The following PCLO variants were observed in gnomAD, a reference collection of about 807,000 sequenced individuals.
PCLO encodes the protein protein piccolo.
A neutral mutation model predicts 427.5 loss-of-function variants in PCLO; 82 were observed. The ratio of observed to expected loss-of-function variants is 0.19; its 90% CI spans 0.16 to 0.23. PCLO has a LOEUF of 0.23. PCLO is among the 10% of genes least tolerant of loss of function. PCLO has a pLI of 1.00. For missense variants in PCLO, 6,239 were observed against 6,115.9 expected (o/e 1.02, Z -0.67); for synonymous variants, 2,357 against 2,155.4 (o/e 1.09, Z -2.59).
At chr7:82,963,334 T>C (rs530713093) in intron 4 of PCLO, among the ~76,000 whole-genome samples, 1 of 152,186 alleles carries the variant, frequency 6.6e-6, no homozygotes, top group South Asian at 2.1e-4. Context: ...GTTGAAAAAG[T>C]ATTTTAAAAT....
chr7:82,935,076 C>T (rs1265789153), intron 6 of PCLO, among the ~76,000 whole-genome samples: 2 of 150,160 alleles, frequency 1.3e-5, no homozygotes, highest in African/African-American at 4.9e-5. Flanking sequence ...AAGCTAAATG[C>T]CTTTCCTAAA....
At chr7:82,940,830 T>C (rs1261104385) in intron 6 of PCLO, among the ~76,000 whole-genome samples, 1 of 144,358 alleles carries the variant, frequency 6.9e-6, no homozygotes, top group African/African-American at 2.5e-5. Context: ...TGGTGAGATC[T>C]CGGCTCACTG....
chr7:82,841,628 T>G (rs1268248853), intron 13 of PCLO, 119 bp from the exon 14 acceptor site: 5 of 661,148 alleles, frequency 7.6e-6, no homozygotes, highest in Non-Finnish European at 1.1e-5. Context: ...GAAAATATAT[T>G]TTATCCATTT....
chr7:83,064,904 A>G (rs1789628337), intron 3 of PCLO, among the ~76,000 whole-genome samples: 1 of 152,050 alleles, frequency 6.6e-6, no homozygotes, highest in African/African-American at 2.4e-5. Flanking sequence ...TCCAAAGGGA[A>G]CAATAACTTC....
intron 22 of PCLO, among the ~76,000 whole-genome samples, chr7:82,780,690 T>C (rs1478065091): frequency 2.0e-5 from 3 of 152,356 alleles, no homozygotes; most frequent in African/African-American, 7.2e-5. Context: ...TTATTTGTTC[T>C]TATTCTCAGT....
Position 83,049,369 on chromosome 7 carries a change from G to C in PCLO, c.3301-82882C>G, listed in dbSNP as rs114478255. On this transcript the variant is annotated intron_variant, in intron 3 of 24. Transcript: ENST00000333891. Reference sequence around the variant, plus strand: ...AGTTCCTACAGTTGAGTGCACAATGGCCAATATGTTGAGAAACAAGATGTT... The same window carrying C: ...AGTTCCTACAGTTGAGTGCACAATGCCCAATATGTTGAGAAACAAGATGTT... Among the ~76,000 whole-genome samples the C allele has an allele frequency of 5.3e-3, 805 of 152,232 alleles. 4 individuals are homozygous for C. The highest frequency in any genetic ancestry group is 0.018 in the African/African-American group (749 of 41,540).
chr7:82,837,872 T>C (rs368174378), intron 15 of PCLO, among the ~76,000 whole-genome samples: 2 of 152,084 alleles, frequency 1.3e-5, no homozygotes. Context: ...CAGATAAATT[T>C]GGGAAGGTAA....
In PCLO at chr7:82,845,888, G is replaced by A. The variant is rs564779814; in HGVS notation, c.13832-403C>T. On this transcript the variant is annotated intron_variant, in intron 12 of 24. Coordinates refer to ENST00000333891, the MANE Select transcript of PCLO (RefSeq NM_033026.6). Reference sequence around the variant, plus strand: ...ATTTTCTAAGGGGAAAATTTTAATGGGTTTATTTATATTTACAAATGTATT... The same window carrying A: ...ATTTTCTAAGGGGAAAATTTTAATGAGTTTATTTATATTTACAAATGTATT... 6.0e-4 allele frequency among the ~76,000 whole-genome samples: 91 copies of A among 151,900 alleles called. 1 individual carries two copies. Among genetic ancestry groups the A allele is most frequent in the Non-Finnish European group, 7.1e-4 (48 of 67,954 alleles).
intron 10 of PCLO, among the ~76,000 whole-genome samples, chr7:82,865,723 T>C (rs1222572037): frequency 3.3e-5 from 5 of 152,220 alleles, no homozygotes; most frequent in South Asian, 2.1e-4. Flanking sequence ...ATTGAGATCA[T>C]TTTCATTAAC....
intron 3 of PCLO, among the ~76,000 whole-genome samples, chr7:83,050,285 A>C (rs1376524644): frequency 3.7e-4 from 53 of 144,616 alleles, no homozygotes; most frequent in Non-Finnish European, 6.5e-4. Context: ...AAAAAAAAAA[A>C]AAAACAAAAC....
chr7:83,070,457 A>C (rs369124756), intron 3 of PCLO, among the ~76,000 whole-genome samples: 2 of 146,970 alleles, frequency 1.4e-5, no homozygotes, highest in African/African-American at 5.1e-5. Context: ...GCGTGATCTC[A>C]GCTCAGTGCA....
In PCLO at chr7:82,831,502, G is replaced by A. The variant is rs148634744; in HGVS notation, c.14250-3536C>T. Among the ~76,000 whole-genome samples, 300 of 152,116 alleles carry A rather than the reference G, an allele frequency of 2.0e-3. 5 individuals are homozygous for A. The highest frequency in any genetic ancestry group is 6.8e-3 in the African/African-American group (283 of 41,498). ...CACGCATTATAAACATCGTGAACAA[G>A]TTAGGCCTTCTTTAGAGTTGCCTAG... On this transcript the variant is annotated intron_variant, in intron 16 of 24. Coordinates refer to ENST00000333891, the MANE Select transcript of PCLO (RefSeq NM_033026.6).
rs201699382 is a variant in PCLO at position 83,156,330 on chromosome 7, C to G, written c.311G>C (p.Arg104Pro). The G allele has an allele frequency of 1.6e-5, 26 of 1,612,632 alleles. No individual in the cohort carries two copies. In the Admixed American group the frequency reaches 2.3e-4, roughly 15 times the overall value. The change falls in exon 2 of 25, where the codon CGT (arginine) becomes CCT (proline). Residue 104 changes from arginine to proline, a missense_variant. Transcript: ENST00000333891. ...KQSGRPPDPG[R>P]PAQPGLSKSR... ...TTTACTGAGACCAGGTTGAGCTGGA[C>G]GCCCAGGGTCCGGGGGTCTTCCTGA...
At chr7:83,038,007 A>ATATATATT (rs1788844042) in intron 3 of PCLO, among the ~76,000 whole-genome samples, 1 of 41,946 alleles carries the variant, frequency 2.4e-5, no homozygotes, top group African/African-American at 1.6e-4. Context: ...ATATATATAT[A>ATATATATT]TATATATATA....
At chr7:82,904,838 A>G (rs1377360414) in intron 8 of PCLO, among the ~76,000 whole-genome samples, 1 of 152,030 alleles carries the variant, frequency 6.6e-6, no homozygotes, top group Non-Finnish European at 1.5e-5. Flanking sequence ...GACATCTCAT[A>G]CAATCTCCTA....
intron 3 of PCLO, among the ~76,000 whole-genome samples, chr7:83,092,295 A>ATCT (rs1490904679): frequency 1.3e-5 from 2 of 152,162 alleles, no homozygotes; most frequent in African/African-American, 4.8e-5. Context: ...TCTCTACAAA[A>ATCT]CTTGAATCCA....
chr7:83,124,661 C>T (rs1233469611), intron 3 of PCLO, among the ~76,000 whole-genome samples: 1 of 152,140 alleles, frequency 6.6e-6, no homozygotes, highest in African/African-American at 2.4e-5. Flanking sequence ...ACCACTGCTA[C>T]GTATACATCC....
At chr7:83,090,606 T>A (rs1452587029) in intron 3 of PCLO, among the ~76,000 whole-genome samples, 1 of 152,076 alleles carries the variant, frequency 6.6e-6, no homozygotes, top group African/African-American at 2.4e-5. Flanking sequence ...CTTTTCCAGA[T>A]CTAAAATCTT....
At chr7:83,161,731 G>A (rs1241091997) in intron 1 of PCLO, among the ~76,000 whole-genome samples, 2 of 152,164 alleles carry the variant, frequency 1.3e-5, no homozygotes, top group Non-Finnish European at 2.9e-5. Context: ...TATATGTACA[G>A]CACCTGCTCT....
Sources: allele counts gnomAD v4.1 joint callset (sites outside exome capture counted in the v4.1 genomes callset), GRCh38; gene constraint gnomAD v4.1.1; transcripts MANE v1.5; gene names NCBI Gene and HGNC (gene_info 2026-07-23, HGNC 2026-07-21).